Variants in STK39 observed in about 807,000 individuals in gnomAD.
The protein encoded by STK39 is STE20/SPS1-related proline-alanine-rich protein kinase.
STK39 carries 20 observed loss-of-function variants against 77.8 expected under a neutral mutation model. The ratio of observed to expected loss-of-function variants is 0.26; its 90% CI spans 0.18 to 0.37. STK39 has a LOEUF of 0.37. Ranked by LOEUF, STK39 falls within the 10% of genes least tolerant of loss-of-function variation. The pLI is 1.00. For synonymous variants in STK39, 246 were observed against 234.1 expected (o/e 1.05, Z -0.47); for missense variants, 479 against 656.5 (o/e 0.73, Z 2.95).
At chr2:168,158,590 C>G (rs1371320179) in intron 5 of STK39, among the ~76,000 whole-genome samples, 3 of 152,162 alleles carry the variant, frequency 2.0e-5, no homozygotes, top group Non-Finnish European at 4.4e-5. Flanking sequence ...ATTTAAGGTC[C>G]TCCTCCTGGA....
chr2:167,955,418 G>T lies in STK39; in HGVS notation c.*78C>A, dbSNP rs1691736510. 2 of 1,403,132 alleles carry T rather than the reference G, an allele frequency of 1.4e-6. No homozygotes were observed. The highest frequency in any genetic ancestry group is 1.4e-5 in the African/African-American group (1 of 70,254). The allele number at this position is 1,403,132 out of a possible 1,614,324, so 86.9% of individuals were successfully genotyped here. On this transcript the variant is annotated 3_prime_UTR_variant, in exon 18 of 18. Coordinates refer to ENST00000355999, the MANE Select transcript of STK39 (RefSeq NM_013233.3). ...GGGAGTGAGGGGGTGGGAGGAAATGGGCAGAAAGAGGGAGGGTTGAAGGGA... is the reference window on the plus strand; with the variant it reads ...GGGAGTGAGGGGGTGGGAGGAAATGTGCAGAAAGAGGGAGGGTTGAAGGGA...
intron 10 of STK39, among the ~76,000 whole-genome samples, chr2:168,084,408 G>A (rs370764978): frequency 1.6e-4 from 24 of 152,280 alleles, no homozygotes; most frequent in Non-Finnish European, 3.2e-4. Flanking sequence ...GAGAGACCCC[G>A]AGTCAGGACA....
intron 3 of STK39, among the ~76,000 whole-genome samples, chr2:168,165,689 G>T (rs1382305437): frequency 1.5e-5 from 2 of 130,954 alleles, no homozygotes; most frequent in African/African-American, 2.8e-5. Flanking sequence ...GCTCCCCAGG[G>T]CTCCCCACCG....
At chr2:168,005,315 T>C (rs1053066890) in intron 16 of STK39, among the ~76,000 whole-genome samples, 2 of 151,968 alleles carry the variant, frequency 1.3e-5, no homozygotes, top group African/African-American at 2.4e-5. Flanking sequence ...CAGAAGGCTG[T>C]TGAGACAAAC....
rs919513123 is a variant in STK39, at chr2:168,004,921, A to G, written c.1498+7713T>C. 1.1e-4 allele frequency among the ~76,000 whole-genome samples: 17 copies of G among 150,914 alleles called. 1 individual carries two copies. The highest frequency in any genetic ancestry group is 1.1e-3 in the Admixed American group (16 of 15,178). ...TTTTAATAAGCATCCCAGATAAGACAGGCATCTCACAGCTCATACTTTGAG... is the reference window on the plus strand; with the variant it reads ...TTTTAATAAGCATCCCAGATAAGACGGGCATCTCACAGCTCATACTTTGAG... On this transcript the variant is annotated intron_variant, in intron 16 of 17. Coordinates refer to ENST00000355999, the MANE Select transcript of STK39 (RefSeq NM_013233.3).
At chr2:167,988,365 AAC>A (rs2105278407) in intron 16 of STK39, among the ~76,000 whole-genome samples, 1 of 152,244 alleles carries the variant, frequency 6.6e-6, no homozygotes, top group Non-Finnish European at 1.5e-5. Context: ...GAGAGAATGA[AAC>A]ACACATCAAA....
At chr2:168,106,016 G>T (rs1439871082) in intron 10 of STK39, among the ~76,000 whole-genome samples, 1 of 152,226 alleles carries the variant, frequency 6.6e-6, no homozygotes, top group East Asian at 1.9e-4. Flanking sequence ...AGACTGGAGT[G>T]CAGTGGCGCA....
At chr2:168,075,052 C>T (rs757540742) in intron 11 of STK39, 41 bp from the exon 12 acceptor site, 1 of 1,614,066 alleles carries the variant, frequency 6.2e-7, no homozygotes, top group Non-Finnish European at 8.5e-7. Context: ...TATACACACA[C>T]ACAATCACAA....
At chr2:168,079,921 A>C (rs553588178) in intron 10 of STK39, among the ~76,000 whole-genome samples, 15 of 152,292 alleles carry the variant, frequency 9.8e-5, no homozygotes, top group Non-Finnish European at 1.6e-4. Context: ...GACACATGTA[A>C]CATGTGTCCA....
intron 10 of STK39, among the ~76,000 whole-genome samples, chr2:168,123,777 G>A (rs1687468701): frequency 6.6e-6 from 1 of 150,946 alleles, no homozygotes; most frequent in African/African-American, 2.4e-5. Context: ...GCTGAGGCAG[G>A]AGAATCGCTT....
intron 14 of STK39, among the ~76,000 whole-genome samples, chr2:168,033,321 G>T (rs1426760319): frequency 1.3e-5 from 2 of 152,124 alleles, no homozygotes; most frequent in Non-Finnish European, 2.9e-5. Context: ...GCTCAATAGA[G>T]GAAATATCGC....
At chr2:168,200,699 T>G (rs1339243696) in intron 1 of STK39, among the ~76,000 whole-genome samples, 1 of 151,562 alleles carries the variant, frequency 6.6e-6, no homozygotes, top group Non-Finnish European at 1.5e-5. Flanking sequence ...TAAAATAAAA[T>G]AAAATAAAAT....
intron 16 of STK39, among the ~76,000 whole-genome samples, chr2:167,988,299 C>T (rs75071393): frequency 0.05 from 7,675 of 152,122 alleles, 692 homozygotes; most frequent in African/African-American, 0.17. Context: ...TTTTTTCCTG[C>T]AAAGAAGTCG....
intron 5 of STK39, among the ~76,000 whole-genome samples, chr2:168,146,174 G>C (rs547586733): frequency 8.5e-5 from 13 of 152,176 alleles, no homozygotes; most frequent in Non-Finnish European, 1.5e-4. Flanking sequence ...TCACCTATGA[G>C]GAAAAAGAAC....
intron 7 of STK39, among the ~76,000 whole-genome samples, chr2:168,138,611 A>G (rs1687898450): frequency 6.6e-6 from 1 of 152,352 alleles, no homozygotes; most frequent in Admixed American, 6.5e-5. Flanking sequence ...CAGGTCATTC[A>G]TAAGTAAGGA....
In STK39 at chr2:168,168,860, G is replaced by A. The variant is rs146604229; in HGVS notation, c.322-1453C>T. Among the ~76,000 whole-genome samples the A allele has an allele frequency of 7.0e-3, 1,067 of 152,226 alleles. 10 individuals are homozygous for A. Among genetic ancestry groups the A allele is most frequent in the African/African-American group, 0.024 (1,014 of 41,532 alleles). ...TAGCTGAGTGTGGTGGTGTGCGCCT[G>A]TAGTCCCAATGACTGAGGAAGCTGA... is the stretch of plus-strand genomic sequence containing the variant. On this transcript the variant is annotated intron_variant, in intron 2 of 17. Transcript: ENST00000355999.
rs905930426 is a variant in STK39 at position 168,063,561 on chromosome 2, T to C, written c.1315A>G (p.Asn439Asp). The C allele has an allele frequency of 2.5e-6, 4 of 1,611,730 alleles. No homozygotes were observed. The highest frequency in any genetic ancestry group is 1.7e-5 in the Admixed American group (1 of 59,626). ...GCTTCTCTGTAGTCTTCATTAGCAT[T>C]GGGTGGGCCCTTTAAAAAGAAAACA... is the stretch of plus-strand genomic sequence containing the variant. ...LSVHDSQGPP[N>D]ANEDYREASS... The change falls in exon 14 of 18, where the codon AAT (asparagine) becomes GAT (aspartate). Residue 439 changes from asparagine (N) to aspartate (D), a missense_variant. This residue lies in a region of STK39 where 244 missense variants were observed against 296.8 expected (regional missense o/e 0.82). Coordinates refer to ENST00000355999, the MANE Select transcript of STK39 (RefSeq NM_013233.3).
intron 1 of STK39, among the ~76,000 whole-genome samples, chr2:168,219,703 A>AGTGT (rs1690114893): frequency 6.6e-6 from 1 of 152,110 alleles, no homozygotes; most frequent in African/African-American, 2.4e-5. Context: ...TACCAATCTC[A>AGTGT]GTGTTGTCTA....
At chr2:168,018,538 A>AAAAAG (rs1553514699) in intron 14 of STK39, among the ~76,000 whole-genome samples, 3 of 85,490 alleles carry the variant, frequency 3.5e-5, no homozygotes, top group South Asian at 4.3e-4. Flanking sequence ...GAAAAGAAAG[A>AAAAAG]AAAGAAAGAA....
Sources: gnomAD v4.1 joint callset for allele counts (sites outside exome capture counted in the v4.1 genomes callset) on GRCh38, gnomAD v4.1.1 for gene constraint, gnomAD v4.1.1 regional missense constraint, MANE v1.5 for transcripts, NCBI Gene and HGNC (gene_info 2026-07-23, HGNC 2026-07-21) for gene names.